SKIL: variants seen among roughly 807,000 people sequenced by gnomAD.
The protein encoded by SKIL is SKI like proto-oncogene.
A neutral mutation model predicts 69.6 loss-of-function variants in SKIL; 20 were observed. The ratio of observed to expected loss-of-function variants is 0.29; its 90% CI spans 0.20 to 0.42. The LOEUF (loss-of-function observed/expected upper bound fraction) is 0.42. Among genes scored for constraint, SKIL ranks in the 10% least tolerant of loss-of-function variants. The probability of loss-of-function intolerance (pLI) is 1.00; values close to 1 mark genes in which losing one functional copy is unlikely to be tolerated. For missense variants in SKIL, 745 were observed against 783.1 expected (o/e 0.95, Z 0.58); for synonymous variants, 310 against 279.9 (o/e 1.11, Z -1.08).
rs1738030199 is a variant in SKIL at position 170,393,488 on chromosome 3, A to T, written c.*1071A>T. ...ATAGTACATGATAGGTGCATATAGG[A>T]CAGTTTAGTTACCTGCTACTAAAAG... On this transcript the variant is annotated 3_prime_UTR_variant, in exon 7 of 7. Coordinates refer to ENST00000259119, the MANE Select transcript of SKIL (RefSeq NM_005414.5). 1 of 152,172 alleles carries T rather than the reference A, an allele frequency of 6.6e-6. No individual in the cohort carries two copies. The highest frequency in any genetic ancestry group is 2.1e-4 in the South Asian group (1 of 4,834). 9.4% of individuals were successfully genotyped at this position (152,172 alleles called of 1,614,324 possible). A position where few individuals can be genotyped will look rare whatever the true frequency, so the allele number is the denominator to read the frequency against.
At position 170,394,250 on chromosome 3, in the gene SKIL, C is replaced by A. The variant is rs1483856806; in HGVS notation, c.*1833C>A. 6.6e-6 allele frequency: 1 copy of A among 150,590 alleles called. No individual in the cohort carries two copies. The highest frequency in any genetic ancestry group is 2.0e-4 in the East Asian group (1 of 5,122). 9.3% of individuals were successfully genotyped at this position (150,590 alleles called of 1,614,324 possible). A position where few individuals can be genotyped will look rare whatever the true frequency, so the allele number is the denominator to read the frequency against. The stretch of plus-strand genomic sequence containing the variant: ...CAAGCCATTCTCCTGCCTCAGCCTC[C>A]CGAGTAGCTGGGACTACAGGCACCC... On this transcript the variant is annotated 3_prime_UTR_variant, in exon 7 of 7. Coordinates refer to ENST00000259119, the MANE Select transcript of SKIL (RefSeq NM_005414.5).
At chr3:170,366,206 T>TCA (rs1421777564) in intron 2 of SKIL, among the ~76,000 whole-genome samples, 1 of 151,982 alleles carries the variant, frequency 6.6e-6, no homozygotes, top group African/African-American at 2.4e-5. Context: ...GTCCTGAAAC[T>TCA]CAGTAAGTTG....
chr3:170,358,532 A>C (rs567796750), intron 1 of SKIL: 1 of 152,796 alleles, frequency 6.5e-6, no homozygotes, highest in South Asian at 2.1e-4. Context: ...ATTCTAGGTC[A>C]TGCCTCTTGC....
chr3:170,371,375 C>G (rs1736798376), intron 2 of SKIL, among the ~76,000 whole-genome samples: 1 of 152,088 alleles, frequency 6.6e-6, no homozygotes, highest in South Asian at 2.1e-4. Context: ...GGCATGGTGG[C>G]ACACGCCTGT....
chr3:170,358,136 C>T (rs548939684), intron 1 of SKIL, among the ~76,000 whole-genome samples: 45 of 152,150 alleles, frequency 3.0e-4, no homozygotes, highest in African/African-American at 8.9e-4. Flanking sequence ...CGACCCGGTC[C>T]GTCAGCCCCC....
chr3:170,365,485 T>A (rs1352347491), intron 2 of SKIL, among the ~76,000 whole-genome samples: 1 of 152,148 alleles, frequency 6.6e-6, no homozygotes, highest in South Asian at 2.1e-4. Flanking sequence ...AACTGCCATA[T>A]CGTGCACATA....
At chr3:170,366,684 C>G (rs369854261) in intron 2 of SKIL, among the ~76,000 whole-genome samples, 5 of 75,720 alleles carry the variant, frequency 6.6e-5, no homozygotes, top group Non-Finnish European at 1.3e-4. Flanking sequence ...CACACACACA[C>G]ACACACACAC....
chr3:170,359,606 A>AT (rs1457597778), intron 1 of SKIL, 93 bp from the exon 2 acceptor site: 8 of 151,738 alleles, frequency 5.3e-5, no homozygotes, highest in East Asian at 1.9e-4. Context: ...AAGAAAAAAA[A>AT]AAAAATAAAA....
At chr3:170,380,235 A>G (rs1737264044) in intron 2 of SKIL, among the ~76,000 whole-genome samples, 1 of 152,226 alleles carries the variant, frequency 6.6e-6, no homozygotes, top group Non-Finnish European at 1.5e-5. Flanking sequence ...GTAGAATGGT[A>G]TCTAGCTAAT....
At chr3:170,373,913 G>T (rs1438596168) in intron 2 of SKIL, among the ~76,000 whole-genome samples, 1 of 151,838 alleles carries the variant, frequency 6.6e-6, no homozygotes, top group Non-Finnish European at 1.5e-5. Context: ...ATTTTAAAGG[G>T]TTTTTTTTGG....
intron 1 of SKIL, among the ~76,000 whole-genome samples, chr3:170,358,824 A>T (rs1736073495): frequency 6.6e-6 from 1 of 152,110 alleles, no homozygotes; most frequent in African/African-American, 2.4e-5. Flanking sequence ...TGAAGGATGG[A>T]GATTCCCAGG....
chr3:170,365,408 G>A (rs1057384275), intron 2 of SKIL, among the ~76,000 whole-genome samples: 1 of 152,134 alleles, frequency 6.6e-6, no homozygotes, highest in African/African-American at 2.4e-5. Flanking sequence ...TTTGAATGCT[G>A]ACATGGCACT....
intron 4 of SKIL, 57 bp downstream of exon 4, chr3:170,384,822 A>G: frequency 1.1e-6 from 1 of 918,904 alleles, no homozygotes; most frequent in East Asian, 2.6e-5. Flanking sequence ...ACATTTATTG[A>G]GCATTTTCAA....
rs147520993 is a variant in SKIL, at chr3:170,360,215, A to T, written c.-117A>T. ...TAATTTAAGGGGCTCTCGCTTTGAA[A>T]GTTTGAGAGTAAGTTACGATAGGCA... On this transcript the variant is annotated 5_prime_UTR_variant, in exon 2 of 7. In the 5' UTR this introduces an upstream ATG that the reference lacks. Coordinates refer to ENST00000259119, the MANE Select transcript of SKIL (RefSeq NM_005414.5). 11 of 1,033,130 alleles carry T rather than the reference A, an allele frequency of 1.1e-5. No homozygotes were observed. The highest frequency in any genetic ancestry group is 1.5e-5 in the Non-Finnish European group (11 of 720,680). The allele number at this position is 1,033,130 out of a possible 1,614,324, so 64.0% of individuals were successfully genotyped here.
In SKIL at chr3:170,395,684, C is replaced by T. The variant is rs1272283927; in HGVS notation, c.*3267C>T. ...TTTAATCAGCTTCTAAAATTTTCTT[C>T]TCAATAAGGCATATGTTTTGATTAC... On this transcript the variant is annotated 3_prime_UTR_variant, in exon 7 of 7. Transcript: ENST00000259119. 6.6e-6 allele frequency: 1 copy of T among 152,076 alleles called. No homozygotes were observed. Among genetic ancestry groups the T allele is most frequent in the African/African-American group, 2.4e-5 (1 of 41,452 alleles). The allele number at this position is 152,076 out of a possible 1,614,324, so 9.4% of individuals were successfully genotyped here.
chr3:170,369,784 G>T (rs1233430289), intron 2 of SKIL, among the ~76,000 whole-genome samples: 1 of 152,088 alleles, frequency 6.6e-6, no homozygotes, highest in African/African-American at 2.4e-5. Flanking sequence ...CCTAGTAAAG[G>T]GGTAGAACTT....
At position 170,384,645 on chromosome 3, in the gene SKIL, C is replaced by G; in HGVS notation, c.1309C>G (p.Gln437Glu). Residue 437 changes from glutamine to glutamate, a missense_variant, in exon 4 of 7, where the codon CAG (glutamine) becomes GAG (glutamate). Transcript: ENST00000259119. ...AGAGGCAAGTAAGTCCATATCAAGA[C>G]AGTCAGAGAAGGCTCACAGTAGTGG... ...KTEASKSISR[Q>E]SEKAHSSGKL... The G allele has an allele frequency of 6.2e-7, 1 of 1,611,020 alleles. No homozygotes were observed. Among genetic ancestry groups the G allele is most frequent in the Non-Finnish European group, 8.5e-7 (1 of 1,177,186 alleles).
At chr3:170,370,996 TC>T (rs1310217849) in intron 2 of SKIL, among the ~76,000 whole-genome samples, 1 of 152,168 alleles carries the variant, frequency 6.6e-6, no homozygotes, top group African/African-American at 2.4e-5. Context: ...ATTTAAGACT[TC>T]TATGCTTTTT....
chr3:170,392,202 A>G, intron 6 of SKIL, 57 bp from the exon 7 acceptor site: 1 of 1,335,822 alleles, frequency 7.5e-7, no homozygotes, highest in Non-Finnish European at 1.0e-6. Context: ...CTATGATATG[A>G]GGATTAAATG....
Sources: gnomAD v4.1 joint callset for allele counts (sites outside exome capture counted in the v4.1 genomes callset) on GRCh38, gnomAD v4.1.1 for gene constraint, MANE v1.5 for transcripts, NCBI Gene and HGNC (gene_info 2026-07-23, HGNC 2026-07-21) for gene names.